Variants in KCNMA1 observed in about 807,000 individuals in gnomAD.
The protein encoded by KCNMA1 is Calcium-activated potassium channel subunit alpha-1.
A neutral mutation model predicts 140.0 loss-of-function variants in KCNMA1; 29 were observed. The observed-to-expected ratio is 0.21, with a 90% CI of 0.15 to 0.28. The LOEUF is 0.28. Ranked by LOEUF, KCNMA1 falls within the 10% of genes least tolerant of loss-of-function variation. The pLI is 1.00. For synonymous variants in KCNMA1, 612 were observed against 611.9 expected (o/e 1.00, Z 0.00); for missense variants, 880 against 1,602.2 (o/e 0.55, Z 7.70).
At chr10:77,362,570 T>C (rs2094061140) in intron 2 of KCNMA1, among the ~76,000 whole-genome samples, 1 of 151,966 alleles carries the variant, frequency 6.6e-6, no homozygotes, top group East Asian at 1.9e-4. Context: ...GAAAACACAG[T>C]GCCCAGAGGA....
intron 3 of KCNMA1, among the ~76,000 whole-genome samples, chr10:77,234,579 T>G (rs1263826139): frequency 6.6e-6 from 1 of 152,256 alleles, no homozygotes; most frequent in Non-Finnish European, 1.5e-5. Flanking sequence ...ATTAGTGACA[T>G]GTAATCCATA....
intron 2 of KCNMA1, among the ~76,000 whole-genome samples, chr10:77,334,939 T>C (rs566760327): frequency 6.6e-6 from 1 of 152,332 alleles, no homozygotes; most frequent in South Asian, 2.1e-4. Context: ...TTGGAACATG[T>C]ATGACACAGC....
chr10:77,548,083 A>G (rs1209339791), intron 1 of KCNMA1, among the ~76,000 whole-genome samples: 1 of 152,180 alleles, frequency 6.6e-6, no homozygotes, highest in Non-Finnish European at 1.5e-5. Context: ...CCTTTTTAAG[A>G]GCAAATAATA....
intron 2 of KCNMA1, among the ~76,000 whole-genome samples, chr10:77,302,171 T>A (rs1253040525): frequency 6.6e-6 from 1 of 152,062 alleles, no homozygotes; most frequent in African/African-American, 2.4e-5. Context: ...TTAGCCCTGG[T>A]CCCTCTGATT....
chr10:77,459,887 C>T (rs888205513), intron 1 of KCNMA1, among the ~76,000 whole-genome samples: 1 of 152,180 alleles, frequency 6.6e-6, no homozygotes, highest in Admixed American at 6.5e-5. Context: ...GACACAATAA[C>T]AATAACTTTC....
chr10:77,170,325 G>A (rs1313727615), intron 5 of KCNMA1, among the ~76,000 whole-genome samples: 3 of 152,244 alleles, frequency 2.0e-5, no homozygotes, highest in African/African-American at 7.2e-5. Context: ...AGATGACTGG[G>A]AAAGAAGATT....
intron 2 of KCNMA1, among the ~76,000 whole-genome samples, chr10:77,305,845 C>G (rs1218967172): frequency 2.6e-5 from 4 of 152,276 alleles, no homozygotes; most frequent in African/African-American, 9.6e-5. Flanking sequence ...TAATAGCCTG[C>G]AAACTCTAAA....
At chr10:77,563,149 T>C (rs985284947) in intron 1 of KCNMA1, among the ~76,000 whole-genome samples, 1 of 151,900 alleles carries the variant, frequency 6.6e-6, no homozygotes, top group Non-Finnish European at 1.5e-5. Context: ...AACCCGTAGG[T>C]AGCTCAAACA....
chr10:77,181,246 G>T (rs374454791), intron 5 of KCNMA1, among the ~76,000 whole-genome samples: 13 of 152,260 alleles, frequency 8.5e-5, no homozygotes, highest in Non-Finnish European at 1.9e-4. Context: ...AAAGCAAAGT[G>T]GTTGTTCGAG....
chr10:77,108,420 A>C lies in KCNMA1; in HGVS notation c.1223+61T>G. 1 of 1,073,542 alleles carries C rather than the reference A, an allele frequency of 9.3e-7. No homozygotes were observed. Among genetic ancestry groups the C allele is most frequent in the Non-Finnish European group, 1.4e-6 (1 of 720,098 alleles). 66.5% of individuals were successfully genotyped at this position (1,073,542 alleles called of 1,614,324 possible). A position where few individuals can be genotyped will look rare whatever the true frequency, so the allele number is the denominator to read the frequency against. Reference sequence around the variant, plus strand: ...AGAAACAAGAGCCAAAAAAAAAAAAAAATGGCATGCAGAGAGGATTCTACC... The same window carrying C: ...AGAAACAAGAGCCAAAAAAAAAAAACAATGGCATGCAGAGAGGATTCTACC... On this transcript the variant is annotated intron_variant, in intron 9 of 27. Transcript: ENST00000286628. This position sits in a 1 kb window ranked among gnomAD's most constrained non-coding sequence, Gnocchi z 4.6.
rs1008978658 is a variant in KCNMA1, at chr10:77,101,877, T to C, written c.1223+6604A>G. ...CGGCCCAAGTCAGTATAACATGAAATCATCTCAAATCCGATTCCCAAGTGC... is the reference window on the plus strand; with the variant it reads ...CGGCCCAAGTCAGTATAACATGAAACCATCTCAAATCCGATTCCCAAGTGC... On this transcript the variant is annotated intron_variant, in intron 9 of 27. Transcript: ENST00000286628. Among the ~76,000 whole-genome samples, 7 of 152,262 alleles carry C rather than the reference T, an allele frequency of 4.6e-5. 1 individual carries two copies. Among genetic ancestry groups the C allele is most frequent in the Admixed American group, 2.6e-4 (4 of 15,298 alleles).
chr10:77,001,661 G>A (rs2086517437), intron 18 of KCNMA1, 81 bp from the exon 19 acceptor site: 3 of 1,148,078 alleles, frequency 2.6e-6, no homozygotes, highest in Non-Finnish European at 3.7e-6. Flanking sequence ...AGCTGGAAGG[G>A]AGCTGAAGGG....
At chr10:77,579,388 CACAATT>C (rs1214966450) in intron 1 of KCNMA1, among the ~76,000 whole-genome samples, 1 of 152,218 alleles carries the variant, frequency 6.6e-6, no homozygotes, top group Non-Finnish European at 1.5e-5. Context: ...GTCAATCTGT[CACAATT>C]ACTCAACTCT....
chr10:77,614,713 C>T (rs1270219354), intron 1 of KCNMA1, among the ~76,000 whole-genome samples: 1 of 152,112 alleles, frequency 6.6e-6, no homozygotes, highest in Non-Finnish European at 1.5e-5. Context: ...AGAGAGGAAC[C>T]CAGGTCCTTG....
chr10:77,071,854 C>G (rs951503276), intron 14 of KCNMA1, among the ~76,000 whole-genome samples: 5 of 152,134 alleles, frequency 3.3e-5, no homozygotes, highest in African/African-American at 1.2e-4. Context: ...TACATAATGC[C>G]GATTTGGCAG....
chr10:77,207,042 G>A (rs1388985338), intron 3 of KCNMA1, among the ~76,000 whole-genome samples: 2 of 151,994 alleles, frequency 1.3e-5, no homozygotes, highest in Non-Finnish European at 2.9e-5. Context: ...ATATGCACCT[G>A]GAAAGATGTT....
At chr10:77,569,451 T>C (rs1248351744) in intron 1 of KCNMA1, among the ~76,000 whole-genome samples, 1 of 140,210 alleles carries the variant, frequency 7.1e-6, no homozygotes, top group Non-Finnish European at 1.6e-5. Context: ...AACTATCTGA[T>C]CTTTGACAAA....
chr10:77,002,732 G>C (rs1425434065), intron 18 of KCNMA1, among the ~76,000 whole-genome samples: 7 of 152,152 alleles, frequency 4.6e-5, no homozygotes, highest in African/African-American at 1.7e-4. Flanking sequence ...TTCAGTACAA[G>C]AGAAGGTTTT....
chr10:77,509,101 T>TTTG (rs71028281), intron 1 of KCNMA1, among the ~76,000 whole-genome samples: 28,025 of 118,778 alleles, frequency 0.24, 2,974 homozygotes, highest in Middle Eastern at 0.43. Flanking sequence ...TTTGTTGGGT[T>TTTG]TTGTTGTTGT....
Sources: gnomAD v4.1 joint callset for allele counts (sites outside exome capture counted in the v4.1 genomes callset) on GRCh38, gnomAD v4.1.1 for gene constraint, Gnocchi (gnomAD v3.1) non-coding constraint, MANE v1.5 for transcripts, NCBI Gene and HGNC (gene_info 2026-07-23, HGNC 2026-07-21) for gene names.